The following PDZRN4 variants were observed in gnomAD, a reference collection of about 807,000 sequenced individuals.
PDZRN4 encodes PDZ domain-containing RING finger protein 4.
A neutral mutation model predicts 99.0 loss-of-function variants in PDZRN4; 70 were observed. The ratio of observed to expected loss-of-function variants is 0.71; its 90% CI spans 0.58 to 0.86. The LOEUF is 0.86. PDZRN4 is among the 40% of genes least tolerant of loss of function. The probability of loss-of-function intolerance (pLI) is 0.00; values close to 1 mark genes in which losing one functional copy is unlikely to be tolerated. For synonymous variants in PDZRN4, 551 were observed against 501.6 expected (o/e 1.10, Z -1.32); for missense variants, 1,474 against 1,331.2 (o/e 1.11, Z -1.67).
intron 3 of PDZRN4, among the ~76,000 whole-genome samples, chr12:41,458,203 G>A (rs2608691): frequency 0.52 from 78,673 of 152,010 alleles, 20,908 homozygotes; most frequent in African/African-American, 0.65. Flanking sequence ...TGTTGCCCAA[G>A]CTGGAGTGCA....
rs1034715236 is a variant in PDZRN4, at chr12:41,570,846, A to G, written c.1585-1518A>G. On this transcript the variant is annotated intron_variant, in intron 9 of 9. Transcript: ENST00000402685. ...TTTTAATCAATAAGACATTTAAGAT[A>G]AATCTCAGTATGTTTTCAACAAATG... Among the ~76,000 whole-genome samples, 6 of 152,284 alleles carry G rather than the reference A, an allele frequency of 3.9e-5. 1 individual carries two copies. In the South Asian group the frequency reaches 1.2e-3, roughly 32 times the overall value.
chr12:41,554,983 C>T (rs895646679), intron 6 of PDZRN4, among the ~76,000 whole-genome samples: 5 of 145,894 alleles, frequency 3.4e-5, no homozygotes, highest in East Asian at 2.1e-4. Flanking sequence ...CCAAGGCGGG[C>T]GGATCACAAG....
intron 3 of PDZRN4, among the ~76,000 whole-genome samples, chr12:41,475,787 G>A (rs1953037160): frequency 6.6e-6 from 1 of 152,134 alleles, no homozygotes; most frequent in East Asian, 1.9e-4. Context: ...TCAATGCCTG[G>A]ATGATATCTT....
chr12:41,325,893 C>T (rs1219853434), intron 3 of PDZRN4, among the ~76,000 whole-genome samples: 6 of 152,092 alleles, frequency 3.9e-5, no homozygotes, highest in Non-Finnish European at 8.8e-5. Flanking sequence ...TTGAAAAGGC[C>T]TTCCAGAATA....
chr12:41,319,546 T>A (rs565334233), intron 3 of PDZRN4, among the ~76,000 whole-genome samples: 2 of 152,260 alleles, frequency 1.3e-5, no homozygotes, highest in East Asian at 3.9e-4. Context: ...CCACATCTAC[T>A]GTCTCTCCAC....
chr12:41,390,562 C>CAAAAAA (rs766893966), intron 3 of PDZRN4, among the ~76,000 whole-genome samples: 8,931 of 100,918 alleles, frequency 0.088, 899 homozygotes, highest in African/African-American at 0.2. Context: ...AACTCCTAAG[C>CAAAAAA]AAAAAAAAAA....
intron 3 of PDZRN4, among the ~76,000 whole-genome samples, chr12:41,233,028 ATC>A (rs1239294405): frequency 1.3e-4 from 20 of 152,140 alleles, no homozygotes; most frequent in Non-Finnish European, 8.8e-5. Context: ...ATTGGTCTAT[ATC>A]TCTGTTTTGG....
chr12:41,294,049 T>G (rs1951473682), intron 3 of PDZRN4, among the ~76,000 whole-genome samples: 1 of 152,202 alleles, frequency 6.6e-6, no homozygotes, highest in South Asian at 2.1e-4. Flanking sequence ...ATAGTTATGT[T>G]GTTGTGGGGT....
intron 3 of PDZRN4, among the ~76,000 whole-genome samples, chr12:41,289,698 T>C (rs935557194): frequency 3.3e-5 from 5 of 152,210 alleles, no homozygotes; most frequent in Admixed American, 2.6e-4. Context: ...GCCTCTGTTC[T>C]GCCCCAGTGG....
chr12:41,548,358 A>C (rs78617492), intron 5 of PDZRN4, among the ~76,000 whole-genome samples: 3,072 of 152,290 alleles, frequency 0.02, 92 homozygotes, highest in African/African-American at 0.066. Context: ...TAAGTGTTTT[A>C]TTGGAACAAC....
At chr12:41,301,252 CT>C (rs2120930605) in intron 3 of PDZRN4, among the ~76,000 whole-genome samples, 1 of 152,092 alleles carries the variant, frequency 6.6e-6, no homozygotes, top group African/African-American at 2.4e-5. Context: ...TGAATATATT[CT>C]TTTCTTCCAG....
intron 3 of PDZRN4, among the ~76,000 whole-genome samples, chr12:41,271,492 A>G (rs1436007693): frequency 6.6e-6 from 1 of 152,102 alleles, no homozygotes; most frequent in Non-Finnish European, 1.5e-5. Flanking sequence ...CAAAACTCAG[A>G]ATTTTTGGTC....
intron 3 of PDZRN4, among the ~76,000 whole-genome samples, chr12:41,257,831 T>A (rs1286927254): frequency 1.3e-5 from 2 of 152,230 alleles, no homozygotes; most frequent in Non-Finnish European, 2.9e-5. Flanking sequence ...TTTATTTGTC[T>A]TCCTATGAGT....
At chr12:41,334,389 T>TAAAA (rs59977032) in intron 3 of PDZRN4, among the ~76,000 whole-genome samples, 2 of 143,738 alleles carry the variant, frequency 1.4e-5, no homozygotes, top group Admixed American at 6.9e-5. Flanking sequence ...AATGAAAAGT[T>TAAAA]AAAAAAAAAA....
chr12:41,453,617 A>G (rs1952792888), intron 3 of PDZRN4, among the ~76,000 whole-genome samples: 1 of 152,198 alleles, frequency 6.6e-6, no homozygotes, highest in Admixed American at 6.5e-5. Flanking sequence ...TCACCTCATC[A>G]GGATGTTTTC....
At chr12:41,196,614 G>A (rs1297406902) in intron 3 of PDZRN4, among the ~76,000 whole-genome samples, 1 of 152,006 alleles carries the variant, frequency 6.6e-6, no homozygotes, top group African/African-American at 2.4e-5. Context: ...AACAAGAAGT[G>A]TGTTTTTTCT....
At chr12:41,275,669 AAT>A (rs1380751949) in intron 3 of PDZRN4, among the ~76,000 whole-genome samples, 5 of 151,158 alleles carry the variant, frequency 3.3e-5, no homozygotes, top group African/African-American at 1.2e-4. Flanking sequence ...TTTTTAAAAA[AAT>A]AATCATTTCT....
chr12:41,268,462 A>C (rs1458826174), intron 3 of PDZRN4, among the ~76,000 whole-genome samples: 1 of 152,228 alleles, frequency 6.6e-6, no homozygotes, highest in Admixed American at 6.5e-5. Flanking sequence ...TGTTTTCTTG[A>C]CCAAACCAGA....
chr12:41,341,282 C>T (rs1000424115), intron 3 of PDZRN4, among the ~76,000 whole-genome samples: 6 of 151,694 alleles, frequency 4.0e-5, no homozygotes, highest in Non-Finnish European at 7.4e-5. Flanking sequence ...CCTGAAACCT[C>T]TAAGATCAGA....
Sources: allele counts gnomAD v4.1 joint callset (sites outside exome capture counted in the v4.1 genomes callset), GRCh38; gene constraint gnomAD v4.1.1; transcripts MANE v1.5; gene names NCBI Gene and HGNC (gene_info 2026-07-23, HGNC 2026-07-21).